DPH6: variants seen among roughly 807,000 people sequenced by gnomAD.
DPH6 encodes the protein diphthamine biosynthesis 6, also known as diphthine--ammonia ligase.
A neutral mutation model predicts 38.2 loss-of-function variants in DPH6; 33 were observed. That is an observed-to-expected ratio of 0.86 (90% CI 0.65 to 1.15). The LOEUF (loss-of-function observed/expected upper bound fraction) is 1.15. Among genes scored for constraint, DPH6 ranks in the 50% most tolerant of loss-of-function variants. DPH6 has a pLI of 0.00. For missense variants in DPH6, 325 were observed against 320.0 expected (o/e 1.02, Z -0.12); for synonymous variants, 108 against 103.0 (o/e 1.05, Z -0.30).
intron 6 of DPH6, among the ~76,000 whole-genome samples, chr15:35,406,693 G>C (rs2053298257): frequency 6.6e-6 from 1 of 152,032 alleles, no homozygotes; most frequent in South Asian, 2.1e-4. Context: ...CAACTGAGCA[G>C]ACAATGGGGC....
chr15:35,227,941 T>C (rs948331766), intron 3 of DPH6, among the ~76,000 whole-genome samples: 1 of 152,176 alleles, frequency 6.6e-6, no homozygotes, highest in Non-Finnish European at 1.5e-5. Flanking sequence ...TTCCAAAATT[T>C]CTCATTATTG....
At chr15:35,460,138 A>C (rs993806903) in intron 3 of DPH6, among the ~76,000 whole-genome samples, 1 of 152,218 alleles carries the variant, frequency 6.6e-6, no homozygotes, top group Non-Finnish European at 1.5e-5. Context: ...TTTAGGAGAA[A>C]GCTGCAGTCA....
At chr15:35,356,780 T>A (rs1257448218) in intron 3 of DPH6, among the ~76,000 whole-genome samples, 1 of 152,316 alleles carries the variant, frequency 6.6e-6, no homozygotes. Context: ...TCAAGCTGCA[T>A]GCTGGGAGAA....
intron 3 of DPH6, among the ~76,000 whole-genome samples, chr15:35,461,853 G>A (rs1317718417): frequency 6.6e-6 from 1 of 152,094 alleles, no homozygotes; most frequent in Non-Finnish European, 1.5e-5. Context: ...CTTCTATATA[G>A]AAGGAAAGCT....
chr15:35,432,785 G>A (rs1045949568), intron 5 of DPH6, among the ~76,000 whole-genome samples: 1 of 152,094 alleles, frequency 6.6e-6, no homozygotes, highest in African/African-American at 2.4e-5. Flanking sequence ...AGAAAATAAA[G>A]GGTTCAATAG....
At chr15:35,270,079 G>A (rs923533558) in intron 3 of DPH6, among the ~76,000 whole-genome samples, 4 of 150,628 alleles carry the variant, frequency 2.7e-5, no homozygotes, top group South Asian at 4.2e-4. Context: ...GATTACAGGC[G>A]TGAGCCACCG....
At chr15:35,296,295 T>TA (rs1206046655) in intron 3 of DPH6, among the ~76,000 whole-genome samples, 10 of 152,304 alleles carry the variant, frequency 6.6e-5, no homozygotes, top group African/African-American at 2.4e-4. Flanking sequence ...TCATCACCAA[T>TA]AACCACATTA....
At chr15:35,441,575 C>T (rs1420997304) in intron 5 of DPH6, among the ~76,000 whole-genome samples, 1 of 152,162 alleles carries the variant, frequency 6.6e-6, no homozygotes, top group Non-Finnish European at 1.5e-5. Flanking sequence ...AAATCAAATA[C>T]CACATGTTCT....
rs1202405067 is a variant in DPH6 at position 35,538,463 on chromosome 15, C to A, written c.123G>T (p.Gly41=). 10 of 1,528,836 alleles carry A rather than the reference C, an allele frequency of 6.5e-6. No homozygotes were observed. Among genetic ancestry groups the A allele is most frequent in the African/African-American group, 2.7e-5 (2 of 73,504 alleles). 94.7% of individuals were successfully genotyped at this position (1,528,836 alleles called of 1,614,324 possible). The change falls in exon 3 of 9, where the codon GGG becomes GGT. Residue 41 remains glycine (G), a synonymous_variant. Transcript: ENST00000256538. ...ACATGTAGCTATCCAGTTCATCAGA[C>A]CCCACTGCAACAATTAAAATGGAAA... The part of the protein sequence containing the change: ...ANLRPAENQV[G]SDELDSYMYQ...
intron 3 of DPH6, among the ~76,000 whole-genome samples, chr15:35,238,656 C>T (rs2051574781): frequency 6.6e-6 from 1 of 152,216 alleles, no homozygotes; most frequent in South Asian, 2.1e-4. Flanking sequence ...CAAGCCAAGC[C>T]ATCGCATCCC....
the DPH6 span, among the ~76,000 whole-genome samples, chr15:35,179,220 A>G: frequency 8.6e-5 from 13 of 151,204 alleles, no homozygotes; most frequent in Admixed American, 3.3e-4. Flanking sequence ...AAAAAAAAAA[A>G]AAAAAAAGAA....
chr15:35,506,126 A>T (rs2054690792), intron 3 of DPH6, among the ~76,000 whole-genome samples: 1 of 152,142 alleles, frequency 6.6e-6, no homozygotes, highest in South Asian at 2.1e-4. Flanking sequence ...CTGCATCATC[A>T]AGTTTATATC....
At chr15:35,281,174 C>T (rs1167720284) in intron 3 of DPH6, among the ~76,000 whole-genome samples, 1 of 152,002 alleles carries the variant, frequency 6.6e-6, no homozygotes, top group Admixed American at 6.6e-5. Flanking sequence ...ACTTCACACA[C>T]AATTCTGAGT....
chr15:35,515,403 G>A (rs1054484640), intron 3 of DPH6, among the ~76,000 whole-genome samples: 2 of 151,908 alleles, frequency 1.3e-5, no homozygotes, highest in Admixed American at 1.3e-4. Context: ...GACCAGCCTG[G>A]GTAACACAAC....
At chr15:35,307,651 T>C (rs564627171) in intron 3 of DPH6, among the ~76,000 whole-genome samples, 9 of 152,158 alleles carry the variant, frequency 5.9e-5, no homozygotes, top group Non-Finnish European at 1.3e-4. Context: ...TATTTTTAGG[T>C]ATTGTAGTAT....
intron 6 of DPH6, among the ~76,000 whole-genome samples, chr15:35,404,726 G>C (rs1823976409): frequency 6.6e-6 from 1 of 152,034 alleles, no homozygotes; most frequent in Non-Finnish European, 1.5e-5. Flanking sequence ...TTTTTAACTT[G>C]ATGCAATCCC....
At position 35,321,023 on chromosome 15, in the gene DPH6, T is replaced by A. The variant is rs72708953; in HGVS notation, n.200+52498A>T. Among the ~76,000 whole-genome samples the A allele has an allele frequency of 1.7e-3, 263 of 152,308 alleles. 1 individual carries two copies. Among genetic ancestry groups the A allele is most frequent in the East Asian group, 5.0e-3 (26 of 5,166 alleles). On this transcript the variant is annotated intron_variant and non_coding_transcript_variant, in intron 3 of 3. Coordinates refer to the DPH6 transcript ENST00000560386. ...ATCTTAGGTTCTTCAATTGTGATGT[T>A]ATCTACAGGAGCAACTGGGGAAGTC... is the stretch of plus-strand genomic sequence containing the variant.
At chr15:35,299,438 C>T (rs1389813002) in intron 3 of DPH6, 5 of 781,384 alleles carry the variant, frequency 6.4e-6, no homozygotes, top group Non-Finnish European at 1.2e-5. Context: ...CGTACAGGGA[C>T]ATCTTTTCTT....
the DPH6 span, among the ~76,000 whole-genome samples, chr15:35,164,925 A>G: frequency 1.3e-5 from 2 of 151,938 alleles, no homozygotes; most frequent in Non-Finnish European, 2.9e-5. Context: ...GACCTTAACT[A>G]TGAATCTTTT....
Sources: allele counts gnomAD v4.1 joint callset (sites outside exome capture counted in the v4.1 genomes callset), GRCh38; gene constraint gnomAD v4.1.1; transcripts MANE v1.5; gene names NCBI Gene and HGNC (gene_info 2026-07-23, HGNC 2026-07-21).